The following NDUFA10 variants were observed in gnomAD, a reference collection of about 807,000 sequenced individuals.
NDUFA10 encodes NADH dehydrogenase [ubiquinone] 1 alpha subcomplex subunit 10, mitochondrial.
NDUFA10 carries 40 observed loss-of-function variants against 47.8 expected under a neutral mutation model. The ratio of observed to expected loss-of-function variants is 0.84; its 90% confidence interval spans 0.65 to 1.09. The LOEUF is 1.09. Ranked by LOEUF, NDUFA10 falls within the 50% of genes least tolerant of loss-of-function variation. NDUFA10 has a pLI of 0.00. For synonymous variants in NDUFA10, 183 were observed against 172.2 expected, an observed-to-expected ratio of 1.06 and a Z score of -0.49; for missense variants, 413 against 451.1, an observed-to-expected ratio of 0.92 and a Z score of 0.76.
intron 8 of NDUFA10, among the ~76,000 whole-genome samples, chr2:239,993,059 A>G (rs142540958): frequency 0.017 from 2,591 of 152,330 alleles, 42 homozygotes; most frequent in South Asian, 0.037. Context: ...ATACCAGGAG[A>G]AAAAAGGACA....
intron 4 of NDUFA10, among the ~76,000 whole-genome samples, chr2:239,931,924 C>T (rs1559291844): frequency 6.6e-6 from 1 of 151,004 alleles, no homozygotes. Flanking sequence ...CAAGCTCCGC[C>T]TCCCGGGTTC....
chr2:239,921,176 G>A (rs374512707), intron 4 of NDUFA10, among the ~76,000 whole-genome samples: 3 of 152,152 alleles, frequency 2.0e-5, no homozygotes, highest in East Asian at 3.9e-4. Context: ...GGCATGAGCC[G>A]TGTAGGTAGG....
chr2:239,955,922 C>T (rs566631854), downstream of NDUFA10, among the ~76,000 whole-genome samples: 2 of 152,222 alleles, frequency 1.3e-5, no homozygotes, highest in South Asian at 4.2e-4. Context: ...TCAGAGACGG[C>T]GCAGGCTCTG....
intron 8 of NDUFA10, among the ~76,000 whole-genome samples, chr2:240,004,226 A>C (rs1393274104): frequency 6.6e-6 from 1 of 152,152 alleles, no homozygotes; most frequent in Admixed American, 6.5e-5. Context: ...GAGCAGCATG[A>C]AGACAGACAA....
chr2:239,893,007 G>A (rs1230640236), intron 5 of NDUFA10, among the ~76,000 whole-genome samples: 1 of 152,120 alleles, frequency 6.6e-6, no homozygotes, highest in African/African-American at 2.4e-5. Flanking sequence ...ACGCCTACGT[G>A]GAGAGGCTGC....
intron 3 of NDUFA10, among the ~76,000 whole-genome samples, chr2:240,020,155 GAGA>G (rs1697560408): frequency 6.6e-6 from 1 of 152,242 alleles, no homozygotes; most frequent in African/African-American, 2.4e-5. Context: ...GCTCAGCTCT[GAGA>G]AGAAGCCTGT....
At chr2:239,980,097 T>C (rs1559348162) in intron 9 of NDUFA10, among the ~76,000 whole-genome samples, 1 of 152,140 alleles carries the variant, frequency 6.6e-6, no homozygotes, top group East Asian at 1.9e-4. Context: ...CTGTGCTTTC[T>C]CCAAGACCCT....
At chr2:240,004,983 G>A (rs1574876746) in intron 8 of NDUFA10, among the ~76,000 whole-genome samples, 2 of 152,316 alleles carry the variant, frequency 1.3e-5, no homozygotes, top group East Asian at 3.9e-4. Context: ...CTGGAACGGT[G>A]TTGCACATAG....
chr2:239,967,149 G>T (rs969658003), intron 9 of NDUFA10, among the ~76,000 whole-genome samples: 2 of 152,212 alleles, frequency 1.3e-5, no homozygotes, highest in African/African-American at 4.8e-5. Flanking sequence ...CAGAGCAATA[G>T]ATGCTGACGC....
chr2:239,913,708 A>G (rs754000415), intron 4 of NDUFA10, among the ~76,000 whole-genome samples: 2 of 152,182 alleles, frequency 1.3e-5, no homozygotes, highest in African/African-American at 4.8e-5. Context: ...AAATTGTAGT[A>G]TTCAACCATG....
intron 4 of NDUFA10, among the ~76,000 whole-genome samples, chr2:239,908,716 A>G (rs566053640): frequency 2.0e-5 from 3 of 152,364 alleles, no homozygotes; most frequent in Non-Finnish European, 4.4e-5. Flanking sequence ...TTCGCAATAC[A>G]TGAGGTACAC....
At chr2:240,014,991 T>C in intron 4 of NDUFA10, 131 bp from the exon 5 acceptor site, 1 of 1,345,206 alleles carries the variant, frequency 7.4e-7, no homozygotes. Flanking sequence ...ACAAACCCTA[T>C]CTCGGTCACA....
intron 8 of NDUFA10, among the ~76,000 whole-genome samples, chr2:240,000,706 G>A (rs931000776): frequency 5.3e-5 from 8 of 152,014 alleles, no homozygotes; most frequent in African/African-American, 4.8e-5. Context: ...TGCCCCAGAC[G>A]GGTGGACCAT....
chr2:239,908,948 C>T (rs572383065), intron 4 of NDUFA10, among the ~76,000 whole-genome samples: 2 of 152,296 alleles, frequency 1.3e-5, no homozygotes, highest in East Asian at 1.9e-4. Context: ...CCCCAGCTCC[C>T]GCATCCCCTC....
chr2:239,922,029 T>TCCC (rs1473815223), intron 4 of NDUFA10, among the ~76,000 whole-genome samples: 7,917 of 92,024 alleles, frequency 0.086, 243 homozygotes, highest in East Asian at 0.16. Flanking sequence ...TTCTTCCTTC[T>TCCC]TTCCTTCCTT....
chr2:239,935,287 A>G (rs980146586), intron 4 of NDUFA10, among the ~76,000 whole-genome samples: 15 of 152,166 alleles, frequency 9.9e-5, no homozygotes, highest in South Asian at 4.1e-4. Context: ...GGCCACTCAA[A>G]CACATTTGGT....
chr2:239,895,976 ATAAG>A (rs1192507995), intron 4 of NDUFA10, among the ~76,000 whole-genome samples: 8 of 152,370 alleles, frequency 5.3e-5, no homozygotes, highest in Non-Finnish European at 1.0e-4. Flanking sequence ...CGAAAGTAGA[ATAAG>A]TAAGAAAAAG....
chr2:239,981,740 A>T (rs1695783351), intron 9 of NDUFA10, among the ~76,000 whole-genome samples: 2 of 152,234 alleles, frequency 1.3e-5, no homozygotes, highest in Non-Finnish European at 2.9e-5. Flanking sequence ...TACAATACAC[A>T]GACCACCTAT....
chr2:239,934,044 G>C (rs542768857), intron 4 of NDUFA10, among the ~76,000 whole-genome samples: 1 of 152,160 alleles, frequency 6.6e-6, no homozygotes, highest in East Asian at 1.9e-4. Context: ...TTTTGTAGAG[G>C]TGGGGTTTCT....
Sources: allele counts gnomAD v4.1 joint callset (sites outside exome capture counted in the v4.1 genomes callset), GRCh38; gene constraint gnomAD v4.1.1; transcripts MANE v1.5; gene names NCBI Gene and HGNC (gene_info 2026-07-23, HGNC 2026-07-21).